Variants in NHEJ1 observed in about 807,000 individuals in gnomAD.
NHEJ1 encodes the protein non-homologous end-joining factor 1.
NHEJ1 carries 22 observed loss-of-function variants against 39.4 expected under a neutral mutation model. The ratio of observed to expected loss-of-function variants is 0.56; its 90% CI spans 0.40 to 0.80. NHEJ1 has a LOEUF of 0.80. Ranked by LOEUF, NHEJ1 falls within the 30% of genes least tolerant of loss-of-function variation. NHEJ1 has a pLI of 0.00. For synonymous variants in NHEJ1, 154 were observed against 135.6 expected (o/e 1.14, Z -0.94); for missense variants, 329 against 357.1 (o/e 0.92, Z 0.63).
At chr2:219,080,452 C>T (rs1377354150) in intron 5 of NHEJ1, among the ~76,000 whole-genome samples, 1 of 151,538 alleles carries the variant, frequency 6.6e-6, no homozygotes, top group African/African-American at 2.4e-5. Flanking sequence ...GTGAACCCGG[C>T]AGGCAGAGCT....
chr2:219,149,664 A>T (rs1190979945), intron 3 of NHEJ1, among the ~76,000 whole-genome samples: 1 of 152,234 alleles, frequency 6.6e-6, no homozygotes, highest in Non-Finnish European at 1.5e-5. Flanking sequence ...ATCTGTGACT[A>T]AGGGAAGTTA....
At chr2:219,099,168 G>A (rs1428735063) in intron 5 of NHEJ1, among the ~76,000 whole-genome samples, 1 of 152,196 alleles carries the variant, frequency 6.6e-6, no homozygotes, top group Admixed American at 6.5e-5. Context: ...GCAATGATTG[G>A]TGATTACAAG....
intron 3 of NHEJ1, among the ~76,000 whole-genome samples, chr2:219,150,314 AG>A (rs1480542012): frequency 6.6e-6 from 1 of 152,206 alleles, no homozygotes; most frequent in East Asian, 1.9e-4. Context: ...TCTGGCACAG[AG>A]GGGAAAGCCA....
intron 5 of NHEJ1, among the ~76,000 whole-genome samples, chr2:219,087,588 T>G (rs1949123100): frequency 6.6e-6 from 1 of 152,136 alleles, no homozygotes; most frequent in African/African-American, 2.4e-5. Flanking sequence ...TCCCGCCTGC[T>G]GCCTGCCTCT....
At chr2:219,113,752 C>A (rs1949386541) in intron 5 of NHEJ1, among the ~76,000 whole-genome samples, 1 of 152,134 alleles carries the variant, frequency 6.6e-6, no homozygotes, top group African/African-American at 2.4e-5. Flanking sequence ...CCTTGGCAAA[C>A]CTATTAAGCT....
chr2:219,122,909 G>A (rs1222439893), intron 5 of NHEJ1, among the ~76,000 whole-genome samples: 4 of 152,206 alleles, frequency 2.6e-5, no homozygotes, highest in Non-Finnish European at 5.9e-5. Context: ...TCCCCATGGG[G>A]AGTAAAGAGT....
chr2:219,135,401 GT>G (rs1949617655), intron 5 of NHEJ1, among the ~76,000 whole-genome samples: 1 of 152,124 alleles, frequency 6.6e-6, no homozygotes, highest in Non-Finnish European at 1.5e-5. Context: ...AAGGTCAGGA[GT>G]TTGAGACCAG....
At chr2:219,087,865 T>C (rs1278514063) in intron 5 of NHEJ1, among the ~76,000 whole-genome samples, 1 of 152,112 alleles carries the variant, frequency 6.6e-6, no homozygotes, top group Admixed American at 6.6e-5. Context: ...TTGCAATACA[T>C]ATAACCAACA....
At chr2:219,082,607 C>A (rs1949077030) in intron 5 of NHEJ1, among the ~76,000 whole-genome samples, 2 of 152,206 alleles carry the variant, frequency 1.3e-5, no homozygotes, top group African/African-American at 2.4e-5. Context: ...TATGGACCCA[C>A]AGTCTGAGGA....
chr2:219,147,712 A>G lies in NHEJ1; in HGVS notation c.474T>C (p.His158=), dbSNP rs759356112. 1.2e-6 allele frequency: 2 copies of G among 1,614,204 alleles called. No individual in the cohort carries two copies. Among genetic ancestry groups the G allele is most frequent in the Non-Finnish European group, 1.7e-6 (2 of 1,180,026 alleles). Residue 158 remains histidine (H), a synonymous_variant, in exon 4 of 8, where the codon CAT becomes CAC. Coordinates refer to ENST00000356853, the MANE Select transcript of NHEJ1 (RefSeq NM_024782.3). The stretch of plus-strand genomic sequence containing the variant: ...AGTCTTGGATCTCTAGGTCTTTCAT[A>G]TGAAGTAACGTTGCTAGCTCCCTCA... ...CQVRELATLL[H]MKDLEIQDYQ... is the part of the protein sequence containing the mutation.
rs374371868 is a variant in NHEJ1, at chr2:219,124,094, G to A, written c.588+22586C>T. 1.6e-3 allele frequency among the ~76,000 whole-genome samples: 241 copies of A among 152,252 alleles called. 2 individuals are homozygous for A. The highest frequency in any genetic ancestry group is 5.6e-3 in the African/African-American group (232 of 41,538). On this transcript the variant is annotated intron_variant, in intron 5 of 7. Coordinates refer to ENST00000356853, the MANE Select transcript of NHEJ1 (RefSeq NM_024782.3). Reference sequence around the variant, plus strand: ...GGGTAAACCTCAAAGACTTCAGCCTGGGACATCAGGCCAGCTGTCATCAAC... The same window carrying A: ...GGGTAAACCTCAAAGACTTCAGCCTAGGACATCAGGCCAGCTGTCATCAAC...
chr2:219,142,796 C>A (rs1367658045), intron 5 of NHEJ1, among the ~76,000 whole-genome samples: 2 of 152,180 alleles, frequency 1.3e-5, no homozygotes, highest in Non-Finnish European at 2.9e-5. Context: ...GGGTTCTTGG[C>A]CTCCATGAAG....
At chr2:219,156,237 A>G (rs1949854143) in intron 3 of NHEJ1, among the ~76,000 whole-genome samples, 2 of 152,210 alleles carry the variant, frequency 1.3e-5, no homozygotes, top group Admixed American at 1.3e-4. Context: ...CGACAGAGTG[A>G]AACTCCGTCT....
intron 5 of NHEJ1, among the ~76,000 whole-genome samples, chr2:219,080,762 T>C (rs1166582218): frequency 6.6e-6 from 1 of 151,480 alleles, no homozygotes; most frequent in Non-Finnish European, 1.5e-5. Flanking sequence ...TTAAACCATT[T>C]TTGTGTTTTC....
At chr2:219,089,624 T>C (rs1574705707) in intron 5 of NHEJ1, among the ~76,000 whole-genome samples, 1 of 152,156 alleles carries the variant, frequency 6.6e-6, no homozygotes, top group Non-Finnish European at 1.5e-5. Flanking sequence ...GCATTTATTT[T>C]TGGGGTGATG....
intron 5 of NHEJ1, among the ~76,000 whole-genome samples, chr2:219,122,689 G>C (rs1949483076): frequency 6.6e-6 from 1 of 152,156 alleles, no homozygotes; most frequent in African/African-American, 2.4e-5. Context: ...AATAGGGTTA[G>C]TTTTAAGTTC....
Position 219,076,189 on chromosome 2 carries a change from C to G in NHEJ1, c.*192G>C. 8.0e-7 allele frequency: 1 copy of G among 1,254,538 alleles called. No individual in the cohort carries two copies. The highest frequency in any genetic ancestry group is 1.5e-5 in the South Asian group (1 of 66,836). The allele number at this position is 1,254,538 out of a possible 1,614,324, so 77.7% of individuals were successfully genotyped here. On this transcript the variant is annotated 3_prime_UTR_variant, in exon 8 of 8. Coordinates refer to ENST00000356853, the MANE Select transcript of NHEJ1 (RefSeq NM_024782.3). Reference sequence around the variant, plus strand: ...GAGGAGAGCACGGGATTCTCAGAGACTGGCTTCCACTTGAACAGGGAAGGC... The same window carrying G: ...GAGGAGAGCACGGGATTCTCAGAGAGTGGCTTCCACTTGAACAGGGAAGGC...
At chr2:219,105,340 T>C (rs1949304171) in intron 5 of NHEJ1, among the ~76,000 whole-genome samples, 1 of 152,154 alleles carries the variant, frequency 6.6e-6, no homozygotes, top group Non-Finnish European at 1.5e-5. Context: ...AGATTTCCAC[T>C]GGCCAGACAG....
intron 5 of NHEJ1, among the ~76,000 whole-genome samples, chr2:219,109,499 C>T (rs1384865482): frequency 1.3e-5 from 2 of 152,188 alleles, no homozygotes; most frequent in Admixed American, 1.3e-4. Flanking sequence ...AGCCCCCTCC[C>T]TTGGGGACCC....
Sources: allele counts gnomAD v4.1 joint callset (sites outside exome capture counted in the v4.1 genomes callset), GRCh38; gene constraint gnomAD v4.1.1; transcripts MANE v1.5; gene names NCBI Gene and HGNC (gene_info 2026-07-23, HGNC 2026-07-21).